Variants in PKHD1 observed in about 807,000 individuals in gnomAD.
PKHD1 encodes the protein fibrocystin.
Under a neutral mutation model 412.0 loss-of-function variants are expected in PKHD1, and 291 were observed. That is an observed-to-expected ratio of 0.71 (90% CI 0.64 to 0.78). PKHD1 has a LOEUF of 0.78. Ranked by LOEUF, PKHD1 falls within the 30% of genes least tolerant of loss-of-function variation. PKHD1 has a pLI of 0.00. For missense variants in PKHD1, 4,825 were observed against 4,950.7 expected (o/e 0.97, Z 0.76); for synonymous variants, 1,777 against 1,821.5 (o/e 0.98, Z 0.62).
chr6:51,942,770 C>G (rs1395905412), intron 36 of PKHD1, among the ~76,000 whole-genome samples: 3 of 151,650 alleles, frequency 2.0e-5, no homozygotes, highest in Non-Finnish European at 4.4e-5. Context: ...GCCACTAGCC[C>G]GCCTCTTAGA....
intron 60 of PKHD1, among the ~76,000 whole-genome samples, chr6:51,696,352 C>A (rs1778802041): frequency 6.6e-6 from 1 of 152,134 alleles, no homozygotes; most frequent in African/African-American, 2.4e-5. Flanking sequence ...GAAAATGGGG[C>A]TGAAGCTTCC....
chr6:51,911,974 A>ATATTCTTACTGTC lies in PKHD1; in HGVS notation c.6333-19_6333-18insGACAGTAAGAATA. On this transcript the variant is annotated intron_variant, in intron 38 of 66. Coordinates refer to ENST00000371117, the MANE Select transcript of PKHD1 (RefSeq NM_138694.4). ...GAGAATATCTGGAGAAAAAAAGAGG[A>ATATTCTTACTGTC]TGATAGAACTGAGGACATCACTCCA... 1 of 1,597,746 alleles carries ATATTCTTACTGTC rather than the reference A, an allele frequency of 6.3e-7. No individual in the cohort carries two copies.
In PKHD1 at chr6:51,747,986, A is replaced by C; in HGVS notation, c.9630T>G (p.Ser3210=). The part of the protein sequence containing the change: ...LRNSVIVATS[S]SFDCIQDKVK... ...CTTTGTCCTGAATGCAGTCAAAAGA[A>C]GAGCTGGTGGCCACAATGACTGAAT... is the stretch of plus-strand genomic sequence containing the variant. Residue 3210 remains serine, a synonymous_variant, in exon 58 of 67, where the codon TCT becomes TCG. Transcript: ENST00000371117. 1 of 1,614,098 alleles carries C rather than the reference A, an allele frequency of 6.2e-7. No individual in the cohort carries two copies. The highest frequency in any genetic ancestry group is 8.5e-7 in the Non-Finnish European group (1 of 1,179,968).
rs1801928569 is a variant in PKHD1, at chr6:52,025,026, C to T, written c.4784G>A (p.Gly1595Asp). The change falls in exon 32 of 67, where the codon GGC becomes GAC. Residue 1595 changes from glycine (G) to aspartate (D), a missense_variant. Gly to Asp is a moderately conservative substitution (Grantham distance 94, BLOSUM62 -1). Coordinates refer to ENST00000371117, the MANE Select transcript of PKHD1 (RefSeq NM_138694.4). ...LHGGSLLTIE[G>D]TGLRGQNTTS... is the part of the protein sequence containing the mutation. ...GGTGTTCTGTCCTCTCAGGCCTGTGCCCTCTATGGTCAAGAGGCTTCCACC... is the reference window on the plus strand; with the variant it reads ...GGTGTTCTGTCCTCTCAGGCCTGTGTCCTCTATGGTCAAGAGGCTTCCACC... 4.3e-6 allele frequency: 7 copies of T among 1,614,100 alleles called. No individual in the cohort carries two copies. Among genetic ancestry groups the T allele is most frequent in the Non-Finnish European group, 5.9e-6 (7 of 1,179,962 alleles).
chr6:51,859,971 G>T (rs1368858725), intron 48 of PKHD1, among the ~76,000 whole-genome samples: 6 of 152,180 alleles, frequency 3.9e-5, no homozygotes, highest in Non-Finnish European at 8.8e-5. Context: ...AGCACACTGT[G>T]ATCCTAAATT....
chr6:51,702,019 A>G (rs948507180), intron 60 of PKHD1, among the ~76,000 whole-genome samples: 3 of 150,836 alleles, frequency 2.0e-5, no homozygotes, highest in African/African-American at 7.3e-5. Context: ...AGACCTCAAT[A>G]CAGAATAGAG....
At chr6:51,665,780 C>T (rs1416624057) in intron 60 of PKHD1, among the ~76,000 whole-genome samples, 1 of 152,062 alleles carries the variant, frequency 6.6e-6, no homozygotes, top group Non-Finnish European at 1.5e-5. Context: ...AAGTGAGAGG[C>T]TAATGTTGGA....
intron 5 of PKHD1, among the ~76,000 whole-genome samples, chr6:52,077,135 G>C (rs1811433454): frequency 6.6e-6 from 1 of 152,206 alleles, no homozygotes; most frequent in African/African-American, 2.4e-5. Flanking sequence ...CTGGTATGCA[G>C]ACGACATTCG....
intron 50 of PKHD1, among the ~76,000 whole-genome samples, chr6:51,841,689 A>G (rs1456302997): frequency 1.3e-5 from 2 of 152,222 alleles, no homozygotes; most frequent in Non-Finnish European, 2.9e-5. Context: ...GCAGAGTTGC[A>G]AAAAGATTCT....
At chr6:51,888,437 G>T (rs1469240683) in intron 43 of PKHD1, among the ~76,000 whole-genome samples, 1 of 151,822 alleles carries the variant, frequency 6.6e-6, no homozygotes, top group African/African-American at 2.4e-5. Context: ...CTTCCTAAAG[G>T]TTTAAGACTG....
chr6:51,657,947 G>A (rs1581883098), intron 61 of PKHD1, among the ~76,000 whole-genome samples: 1 of 152,054 alleles, frequency 6.6e-6, no homozygotes, highest in Non-Finnish European at 1.5e-5. Flanking sequence ...TTTCTCTCTA[G>A]ACAAAAATTA....
chr6:51,690,390 G>A (rs546792094), intron 60 of PKHD1, among the ~76,000 whole-genome samples: 1 of 151,968 alleles, frequency 6.6e-6, no homozygotes, highest in South Asian at 2.1e-4. Flanking sequence ...TAAAGCTGGA[G>A]GTATCATGCT....
intron 60 of PKHD1, among the ~76,000 whole-genome samples, chr6:51,729,320 T>C (rs976535307): frequency 2.0e-5 from 3 of 152,234 alleles, no homozygotes; most frequent in African/African-American, 4.8e-5. Flanking sequence ...GGTGTTCTTT[T>C]CCTTGACACA....
chr6:51,654,323 A>G (rs1294983200), intron 61 of PKHD1, among the ~76,000 whole-genome samples: 1 of 152,134 alleles, frequency 6.6e-6, no homozygotes, highest in Non-Finnish European at 1.5e-5. Context: ...GAGATTTAGT[A>G]TAACATCTTC....
chr6:51,717,995 A>G (rs1360436370), intron 60 of PKHD1, among the ~76,000 whole-genome samples: 1 of 152,238 alleles, frequency 6.6e-6, no homozygotes, highest in Non-Finnish European at 1.5e-5. Flanking sequence ...TCAACACAGT[A>G]TTCCAGCATA....
chr6:52,073,585 A>C (rs1185486792), intron 6 of PKHD1, 44 bp from the exon 7 acceptor site: 1 of 1,090,292 alleles, frequency 9.2e-7, no homozygotes, highest in Non-Finnish European at 1.4e-6. Context: ...CTTAGCTCAA[A>C]CTCAATGTAT....
chr6:51,927,624 G>A (rs1446400689), intron 37 of PKHD1, among the ~76,000 whole-genome samples: 1 of 152,176 alleles, frequency 6.6e-6, no homozygotes, highest in African/African-American at 2.4e-5. Flanking sequence ...ATCAATCACA[G>A]AGTGACCTGT....
At chr6:51,620,523 G>A (rs893021570) in intron 66 of PKHD1, among the ~76,000 whole-genome samples, 3 of 151,918 alleles carry the variant, frequency 2.0e-5, no homozygotes, top group African/African-American at 4.8e-5. Flanking sequence ...CTTTTACTAC[G>A]TTTACTGTCC....
chr6:52,077,033 C>G (rs1359401945), intron 5 of PKHD1, among the ~76,000 whole-genome samples: 1 of 152,188 alleles, frequency 6.6e-6, no homozygotes, highest in Non-Finnish European at 1.5e-5. Flanking sequence ...TACAATGCCC[C>G]CTGTCCCCAA....
Sources: allele counts gnomAD v4.1 joint callset (sites outside exome capture counted in the v4.1 genomes callset), GRCh38; gene constraint gnomAD v4.1.1; transcripts MANE v1.5; gene names NCBI Gene and HGNC (gene_info 2026-07-23, HGNC 2026-07-21).